CD8B: variants seen among roughly 807,000 people sequenced by gnomAD.
CD8B encodes CD8 subunit beta.
In CD8B, 6 loss-of-function variants were observed where a neutral mutation model predicts 24.2. The ratio of observed to expected loss-of-function variants is 0.25; its 90% confidence interval spans 0.14 to 0.49. CD8B has a LOEUF of 0.49. CD8B is among the 20% of genes least tolerant of loss of function. The pLI is 0.98. For missense variants in CD8B, 196 were observed against 271.3 expected (o/e 0.72, Z 1.95); for synonymous variants, 84 against 108.3 (o/e 0.78, Z 1.39).
downstream of CD8B, among the ~76,000 whole-genome samples, chr2:86,835,303 T>C (rs933788192): frequency 2.6e-5 from 4 of 152,186 alleles, no homozygotes; most frequent in African/African-American, 9.7e-5. Flanking sequence ...CCTGCTTGTC[T>C]TGTGGAAGCC....
At chr2:86,834,227 C>T (rs146821868), downstream of CD8B, among the ~76,000 whole-genome samples, 134 of 152,192 alleles carry the variant, frequency 8.8e-4, no homozygotes, top group African/African-American at 3.2e-3. Flanking sequence ...AAAGCTGTAG[C>T]GCTCGCTTAT....
chr2:86,833,104 G>A (rs1674983629), intron 5 of CD8B: 2 of 307,788 alleles, frequency 6.5e-6, no homozygotes, highest in South Asian at 5.3e-5. Flanking sequence ...ATGCTTTCCT[G>A]TGTTACAAAA....
chr2:86,818,595 A>G (rs1674348930), intron 5 of CD8B, among the ~76,000 whole-genome samples: 1 of 152,200 alleles, frequency 6.6e-6, no homozygotes, highest in Non-Finnish European at 1.5e-5. Context: ...ATGCCCATTT[A>G]TGACAGTGAA....
rs1285464744 is a variant in CD8B, at chr2:86,846,925, G to GTCTTTTTTTTTTT, written c.494-153_494-152insAAAAAAAAAAAGA. On this transcript the variant is annotated intron_variant, in intron 3 of 5. Coordinates refer to ENST00000390655, the MANE Select transcript of CD8B (RefSeq NM_004931.5). ...TTCGATGTAATGTATTTTTCCTCAA[G>GTCTTTTTTTTTTT]TATTTTTTTTTTTTTTTTTTTTTTT... 2.8e-5 allele frequency: 5 copies of GTCTTTTTTTTTTT among 176,724 alleles called. 1 individual carries two copies. The highest frequency in any genetic ancestry group is 3.6e-5 in the African/African-American group (1 of 27,522). The allele number at this position is 176,724 out of a possible 1,614,324, so 10.9% of individuals were successfully genotyped here.
intron 5 of CD8B, 27 bp downstream of exon 5, chr2:86,844,895 A>G (rs1209060283): frequency 6.4e-7 from 1 of 1,557,336 alleles, no homozygotes; most frequent in African/African-American, 1.4e-5. Context: ...TGAGGAACCC[A>G]AGGCCACACC....
intron 3 of CD8B, among the ~76,000 whole-genome samples, chr2:86,847,033 G>A (rs1460178809): frequency 2.1e-5 from 3 of 146,248 alleles, no homozygotes; most frequent in African/African-American, 2.5e-5. Flanking sequence ...CGCCTCCTGG[G>A]TTCAAGGGAT....
chr2:86,834,759 A>AC (rs1218480377), downstream of CD8B, among the ~76,000 whole-genome samples: 2 of 151,952 alleles, frequency 1.3e-5, no homozygotes, highest in Admixed American at 6.6e-5. Context: ...ACATGGTGAA[A>AC]CCCCGTCTCT....
downstream of CD8B, among the ~76,000 whole-genome samples, chr2:86,834,095 T>G (rs1335691183): frequency 6.6e-6 from 1 of 152,190 alleles, no homozygotes; most frequent in Non-Finnish European, 1.5e-5. Context: ...TAGAATCATC[T>G]TTGTATATTT....
chr2:86,851,061 A>C (rs1443963998), intron 3 of CD8B, among the ~76,000 whole-genome samples: 8 of 151,422 alleles, frequency 5.3e-5, no homozygotes, highest in African/African-American at 1.9e-4. Context: ...ACTGCACTCC[A>C]GCCTGGGCAA....
At position 86,858,077 on chromosome 2, in the gene CD8B, T is replaced by C. The variant is rs756823674; in HGVS notation, c.383A>G (p.Lys128Arg). The C allele has an allele frequency of 1.9e-6, 3 of 1,613,954 alleles. No homozygotes were observed. The highest frequency in any genetic ancestry group is 2.5e-6 in the Non-Finnish European group (3 of 1,179,804). ...CTTACCCACACTCAGCTGAGTTCCC[T>C]TCCCGAAGGTCAGCTCGGGGCTCCC... ...IVGSPELTFGKGTQLSVVDFL... is the reference protein window; with the variant it reads ...IVGSPELTFGRGTQLSVVDFL... The change falls in exon 2 of 6, where the codon AAG becomes AGG. Residue 128 changes from lysine to arginine, a missense_variant. Lys to Arg is a conservative substitution (Grantham distance 26). Coordinates refer to ENST00000390655, the MANE Select transcript of CD8B (RefSeq NM_004931.5).
chr2:86,822,039 A>G (rs1431210089), intron 5 of CD8B, among the ~76,000 whole-genome samples: 1 of 152,092 alleles, frequency 6.6e-6, no homozygotes, highest in Non-Finnish European at 1.5e-5. Context: ...TGCAGCTCCC[A>G]ACAGTCCTGC....
chr2:86,857,725 A>AAAT (rs958009133), intron 2 of CD8B, among the ~76,000 whole-genome samples: 8 of 152,254 alleles, frequency 5.3e-5, no homozygotes, highest in East Asian at 1.9e-4. Context: ...GTCTCAAAAA[A>AAAT]AATAATAATA....
intron 5 of CD8B, chr2:86,821,846 T>TC (rs1674489382): frequency 3.2e-6 from 1 of 311,156 alleles, no homozygotes; most frequent in Admixed American, 3.3e-5. Flanking sequence ...ACCCTTCTCT[T>TC]CCCCCTGGTT....
intron 5 of CD8B, among the ~76,000 whole-genome samples, chr2:86,829,095 CTTTTTTTTT>C (rs746569858): frequency 2.4e-5 from 2 of 82,992 alleles, no homozygotes; most frequent in Non-Finnish European, 4.5e-5. Flanking sequence ...ATGCTCTTTA[CTTTTTTTTT>C]TTTTTTTTTT....
rs139108658 is a variant in CD8B at position 86,838,487 on chromosome 2, C to A, written c.*3820G>T. Among the ~76,000 whole-genome samples, 73 of 151,798 alleles carry A rather than the reference C, an allele frequency of 4.8e-4. 2 individuals are homozygous for A. The East Asian group carries it at 0.012, about 25-fold the overall frequency. On this transcript the variant is annotated 3_prime_UTR_variant, in exon 6 of 6. Transcript: ENST00000390655. ...TAAAAAATATGGGAAGAAAAAAAAA[C>A]AAGAAACTTTTTAGAAAAAATTTAT...
At chr2:86,836,718 A>G (rs539344358), downstream of CD8B, among the ~76,000 whole-genome samples, 1 of 152,290 alleles carries the variant, frequency 6.6e-6, no homozygotes, top group Admixed American at 6.5e-5. Flanking sequence ...GTGAGCCATG[A>G]TGGCGCCACT....
At position 86,844,922 on chromosome 2, in the gene CD8B, T is replaced by C. The variant is rs772821597; in HGVS notation, c.620A>G (p.Gln207Arg). Residue 207 changes from glutamine to arginine, a missense_variant and splice_region_variant, in exon 5 of 6, where the codon CAA becomes CGA. Gln to Arg is a conservative substitution (Grantham distance 43, BLOSUM62 1). Transcript: ENST00000390655. ...GGCCACACCCAGGTTATACACTTAC[T>C]GTTTCATGAAACGAAGCCGGGCTCT... ...RRRARLRFMK[Q>R]FYK is the part of the protein sequence containing the mutation. 5.8e-6 allele frequency: 9 copies of C among 1,556,980 alleles called. No individual in the cohort carries two copies. Among genetic ancestry groups the C allele is most frequent in the South Asian group, 3.6e-5 (3 of 84,312 alleles).
downstream of CD8B, among the ~76,000 whole-genome samples, chr2:86,834,005 T>TAGAC (rs1245165403): frequency 6.6e-6 from 1 of 152,196 alleles, no homozygotes; most frequent in Non-Finnish European, 1.5e-5. Context: ...TGGGTATAGA[T>TAGAC]AGACAGCAAC....
chr2:86,848,553 G>A (rs1280240462), intron 3 of CD8B, among the ~76,000 whole-genome samples: 1 of 152,004 alleles, frequency 6.6e-6, no homozygotes, highest in Non-Finnish European at 1.5e-5. Flanking sequence ...AAAGGGCAAG[G>A]CTGCAGATTT....
Sources: allele counts gnomAD v4.1 joint callset (sites outside exome capture counted in the v4.1 genomes callset), GRCh38; gene constraint gnomAD v4.1.1; transcripts MANE v1.5; gene names NCBI Gene and HGNC (gene_info 2026-07-23, HGNC 2026-07-21).